The following PPM1D variants were observed in gnomAD, a reference collection of about 807,000 sequenced individuals.
PPM1D encodes protein phosphatase 1D.
A neutral mutation model predicts 58.3 loss-of-function variants in PPM1D; 52 were observed. The ratio of observed to expected loss-of-function variants is 0.89; its 90% CI spans 0.71 to 1.12. PPM1D has a LOEUF of 1.12. PPM1D is among the 50% of genes most tolerant of loss of function. The pLI is 0.00. For synonymous variants in PPM1D, 278 were observed against 285.1 expected, an observed-to-expected ratio of 0.98 and a Z score of 0.25; for missense variants, 564 against 777.2, an observed-to-expected ratio of 0.73 and a Z score of 3.26.
At chr17:60,600,960 TG>T in intron 1 of PPM1D, 74 bp downstream of exon 1, 1 of 1,592,112 alleles carries the variant, frequency 6.3e-7, no homozygotes, top group Admixed American at 1.8e-5. Flanking sequence ...CAGCCCCGCG[TG>T]GGCCCCCGGC....
chr17:60,633,758 T>C, intron 2 of PPM1D, 95 bp from the exon 3 acceptor site: 2 of 1,230,824 alleles, frequency 1.6e-6, no homozygotes, highest in Non-Finnish European at 2.2e-6. Context: ...TTTGTAATAA[T>C]GTAGTCTTAT....
At chr17:60,620,773 G>A (rs1450007865) in intron 1 of PPM1D, among the ~76,000 whole-genome samples, 1 of 152,120 alleles carries the variant, frequency 6.6e-6, no homozygotes, top group Non-Finnish European at 1.5e-5. Context: ...TTTCCAAAGT[G>A]CTGGGATTAC....
At chr17:60,656,501 G>C in intron 4 of PPM1D, 98 bp from the exon 5 acceptor site, 4 of 1,478,428 alleles carry the variant, frequency 2.7e-6, no homozygotes, top group Non-Finnish European at 3.6e-6. Context: ...GCTTTGTTTG[G>C]GCCACAGCGA....
chr17:60,628,408 C>G (rs2030854070), intron 2 of PPM1D, among the ~76,000 whole-genome samples: 2 of 152,128 alleles, frequency 1.3e-5, no homozygotes, highest in Non-Finnish European at 2.9e-5. Context: ...GGGTGTTATA[C>G]ATTTTATGGG....
intron 5 of PPM1D, among the ~76,000 whole-genome samples, chr17:60,662,623 A>T (rs867985906): frequency 1.3e-5 from 2 of 152,182 alleles, no homozygotes; most frequent in East Asian, 3.8e-4. Flanking sequence ...ATGTGTGCCT[A>T]TGGTTAATTT....
At chr17:60,661,996 A>ATATT (rs1450723493) in intron 5 of PPM1D, among the ~76,000 whole-genome samples, 2 of 151,896 alleles carry the variant, frequency 1.3e-5, no homozygotes, top group Admixed American at 6.6e-5. Context: ...TTTAATTTTA[A>ATATT]TATTTATTTA....
intron 1 of PPM1D, among the ~76,000 whole-genome samples, chr17:60,606,321 T>A (rs1301491775): frequency 6.6e-6 from 1 of 152,226 alleles, no homozygotes; most frequent in Non-Finnish European, 1.5e-5. Flanking sequence ...TTGTTTCCAC[T>A]TTTTGGCTAT....
chr17:60,617,623 G>A lies in PPM1D; in HGVS notation c.473-5898G>A, dbSNP rs1233458569. ...AACACCCCAAATAATTGAAAGGGCT[G>A]AAGAAACATACAGTATACTCTAGGC... is the stretch of plus-strand genomic sequence containing the variant. On this transcript the variant is annotated intron_variant, in intron 1 of 5. Transcript: ENST00000305921. Among the ~76,000 whole-genome samples, 5 of 152,026 alleles carry A rather than the reference G, an allele frequency of 3.3e-5. No homozygotes were observed. The East Asian group carries it at 7.7e-4, about 24-fold the overall frequency.
chr17:60,665,109 T>G lies in PPM1D; in HGVS notation c.*1557T>G, dbSNP rs1402683672. The G allele has an allele frequency of 6.6e-6, 1 of 152,050 alleles. No individual in the cohort carries two copies. The highest frequency in any genetic ancestry group is 1.5e-5 in the Non-Finnish European group (1 of 68,090). The allele number at this position is 152,050 out of a possible 1,614,324, so 9.4% of individuals were successfully genotyped here. A position where few individuals can be genotyped will look rare whatever the true frequency, so the allele number is the denominator to read the frequency against. On this transcript the variant is annotated 3_prime_UTR_variant, in exon 6 of 6. Coordinates refer to ENST00000305921, the MANE Select transcript of PPM1D (RefSeq NM_003620.4). ...GCCTCAGCCTCCTGAGTAGCTGAGA[T>G]TACAGGCACGCGCCACTGTGCCCAG...
At chr17:60,604,395 T>G (rs1383476385) in intron 1 of PPM1D, among the ~76,000 whole-genome samples, 3 of 152,222 alleles carry the variant, frequency 2.0e-5, no homozygotes, top group Admixed American at 6.5e-5. Flanking sequence ...AATGCCCAAG[T>G]CTTATTAACA....
intron 1 of PPM1D, among the ~76,000 whole-genome samples, chr17:60,615,494 A>T (rs1169936493): frequency 6.6e-6 from 1 of 151,914 alleles, no homozygotes; most frequent in Non-Finnish European, 1.5e-5. Context: ...TTATGTCATT[A>T]AAAAAATTAA....
rs2143730755 is a variant in PPM1D at position 60,662,994 on chromosome 17, G to A, written c.1261-1G>A. ...ATTTGTTTTACCTTCTTATTTTTCA[G>A]TCACTGGAGGAGGATCCATGGCCAA... On this transcript the variant is annotated splice_acceptor_variant, in intron 5 of 5. Coordinates refer to ENST00000305921, the MANE Select transcript of PPM1D (RefSeq NM_003620.4). LOFTEE classifies it high-confidence loss of function. 6.3e-7 allele frequency: 1 copy of A among 1,583,470 alleles called. No individual in the cohort carries two copies. The highest frequency in any genetic ancestry group is 8.6e-7 in the Non-Finnish European group (1 of 1,167,076).
chr17:60,617,286 A>T (rs941503902), intron 1 of PPM1D, among the ~76,000 whole-genome samples: 5 of 151,986 alleles, frequency 3.3e-5, no homozygotes, highest in African/African-American at 1.2e-4. Flanking sequence ...GTGCTGTAGA[A>T]CTTCTGAGAG....
chr17:60,603,990 T>A (rs1167790015), intron 1 of PPM1D, among the ~76,000 whole-genome samples: 1 of 152,264 alleles, frequency 6.6e-6, no homozygotes, highest in Admixed American at 6.5e-5. Context: ...TAAAGTTTGC[T>A]GAATTGGAAT....
At chr17:60,656,008 T>A (rs2031432427) in intron 4 of PPM1D, among the ~76,000 whole-genome samples, 1 of 152,070 alleles carries the variant, frequency 6.6e-6, no homozygotes, top group Non-Finnish European at 1.5e-5. Flanking sequence ...GACAACTTTT[T>A]CTAAATAAAG....
chr17:60,654,241 G>C (rs762141704), intron 4 of PPM1D, among the ~76,000 whole-genome samples: 1 of 149,938 alleles, frequency 6.7e-6, no homozygotes, highest in Admixed American at 6.6e-5. Flanking sequence ...TCAATTTTAC[G>C]AAATGCTTTT....
intron 2 of PPM1D, among the ~76,000 whole-genome samples, chr17:60,624,107 A>G (rs1470149973): frequency 6.6e-6 from 1 of 152,188 alleles, no homozygotes; most frequent in African/African-American, 2.4e-5. Flanking sequence ...AGATTAAGTT[A>G]GAATTAACCT....
At chr17:60,643,242 G>A (rs1238680742) in intron 3 of PPM1D, among the ~76,000 whole-genome samples, 2 of 151,930 alleles carry the variant, frequency 1.3e-5, no homozygotes, top group East Asian at 3.9e-4. Flanking sequence ...AATTAGCCTA[G>A]CATGGTGGCA....
At chr17:60,660,973 A>G (rs2143727247) in intron 5 of PPM1D, among the ~76,000 whole-genome samples, 1 of 152,126 alleles carries the variant, frequency 6.6e-6, no homozygotes, top group East Asian at 1.9e-4. Context: ...CAGCACTTTG[A>G]GAGGCCGAGG....
Sources: allele counts gnomAD v4.1 joint callset (sites outside exome capture counted in the v4.1 genomes callset), GRCh38; gene constraint gnomAD v4.1.1; transcripts MANE v1.5; gene names NCBI Gene and HGNC (gene_info 2026-07-23, HGNC 2026-07-21).